The following SPAG16 variants were observed in gnomAD, a reference collection of about 807,000 sequenced individuals.
SPAG16 encodes sperm associated antigen 16.
SPAG16 carries 86 observed loss-of-function variants against 80.4 expected under a neutral mutation model. That is an observed-to-expected ratio of 1.07 (90% confidence interval 0.90 to 1.28). The LOEUF (loss-of-function observed/expected upper bound fraction) is 1.28. Among genes scored for constraint, SPAG16 ranks in the 50% most tolerant of loss-of-function variants. The pLI, the probability that SPAG16 is intolerant of heterozygous loss-of-function variation, is 0.00. For synonymous variants in SPAG16, 294 were observed against 265.9 expected, an observed-to-expected ratio of 1.11 and a Z score of -1.03; for missense variants, 870 against 765.3, an observed-to-expected ratio of 1.14 and a Z score of -1.61.
At chr2:213,905,185 A>T (rs2077384670) in intron 11 of SPAG16, among the ~76,000 whole-genome samples, 1 of 152,194 alleles carries the variant, frequency 6.6e-6, no homozygotes, top group African/African-American at 2.4e-5. Flanking sequence ...TGATTTTTAC[A>T]GTTTATTTTA....
At chr2:214,365,485 A>G (rs1699421171) in intron 15 of SPAG16, among the ~76,000 whole-genome samples, 1 of 152,190 alleles carries the variant, frequency 6.6e-6, no homozygotes. Flanking sequence ...CAAAATTACA[A>G]GACATCAGAA....
intron 9 of SPAG16, among the ~76,000 whole-genome samples, chr2:213,449,634 G>T (rs892883534): frequency 6.6e-6 from 1 of 152,130 alleles, no homozygotes; most frequent in Non-Finnish European, 1.5e-5. Context: ...AATATCAGGG[G>T]TGAGTTCCCC....
chr2:213,432,682 ACTGAAACCCATCCTC>A (rs1258827481), intron 9 of SPAG16, among the ~76,000 whole-genome samples: 2 of 152,150 alleles, frequency 1.3e-5, no homozygotes, highest in African/African-American at 4.8e-5. Flanking sequence ...ACAAAGAAAA[ACTGAAACCCATCCTC>A]CAGAAACTCT....
chr2:213,337,787 T>C (rs1393339565), intron 5 of SPAG16, among the ~76,000 whole-genome samples: 2 of 151,870 alleles, frequency 1.3e-5, no homozygotes, highest in African/African-American at 2.4e-5. Flanking sequence ...TGGAACCAAG[T>C]TGGAAAACAC....
At chr2:214,369,646 GCATGC>G (rs1699691286) in intron 15 of SPAG16, among the ~76,000 whole-genome samples, 1 of 151,898 alleles carries the variant, frequency 6.6e-6, no homozygotes, top group South Asian at 2.1e-4. Context: ...TCAACATGTG[GCATGC>G]CCTCTTTCTT....
chr2:213,480,082 CAGAA>C (rs1332445481), intron 9 of SPAG16, among the ~76,000 whole-genome samples: 1 of 152,130 alleles, frequency 6.6e-6, no homozygotes, highest in Non-Finnish European at 1.5e-5. Context: ...CATGCATTAT[CAGAA>C]AGAAGATAAA....
At chr2:214,052,304 G>C (rs564101183) in intron 13 of SPAG16, among the ~76,000 whole-genome samples, 2 of 152,168 alleles carry the variant, frequency 1.3e-5, no homozygotes, top group African/African-American at 4.8e-5. Flanking sequence ...GCTATCAGGC[G>C]ACCTTCTTTG....
rs1206091879 is a variant in SPAG16 at position 213,571,909 on chromosome 2, C to G, written c.1070+81819C>G. On this transcript the variant is annotated intron_variant, in intron 10 of 15. Coordinates refer to ENST00000331683, the MANE Select transcript of SPAG16 (RefSeq NM_024532.5). ...ATAGATTTGGTCTTTTCACATAGTCCCATAGTTCTTGGAGGCTTTGCTCAT... is the reference window on the plus strand; with the variant it reads ...ATAGATTTGGTCTTTTCACATAGTCGCATAGTTCTTGGAGGCTTTGCTCAT... 1.4e-5 allele frequency among the ~76,000 whole-genome samples: 2 copies of G among 138,912 alleles called. 1 individual carries two copies. The highest frequency in any genetic ancestry group is 6.3e-5 in the African/African-American group (2 of 31,602). The allele number at this position is 138,912 out of a possible 152,430, so 91.1% of individuals were successfully genotyped here.
intron 9 of SPAG16, among the ~76,000 whole-genome samples, chr2:213,448,162 G>A (rs571523236): frequency 6.6e-6 from 1 of 152,294 alleles, no homozygotes; most frequent in East Asian, 1.9e-4. Flanking sequence ...CTGTTATTTG[G>A]CTTGGAGATC....
chr2:213,955,745 T>C (rs1014776591), intron 12 of SPAG16, among the ~76,000 whole-genome samples: 7 of 152,132 alleles, frequency 4.6e-5, no homozygotes, highest in African/African-American at 1.7e-4. Context: ...TAGGAATTTG[T>C]TCATTTCATC....
At chr2:214,222,139 A>T (rs1159573391) in intron 15 of SPAG16, among the ~76,000 whole-genome samples, 6 of 139,692 alleles carry the variant, frequency 4.3e-5, no homozygotes, top group African/African-American at 1.6e-4. Flanking sequence ...TTTTTGAAAC[A>T]GAGTTTCGCT....
At chr2:213,576,162 C>T (rs1379468014) in intron 10 of SPAG16, among the ~76,000 whole-genome samples, 1 of 152,136 alleles carries the variant, frequency 6.6e-6, no homozygotes, top group Non-Finnish European at 1.5e-5. Context: ...TATTCCAGCA[C>T]CATTTATTGA....
chr2:213,298,236 C>A (rs1368856536), intron 3 of SPAG16, among the ~76,000 whole-genome samples: 7 of 152,162 alleles, frequency 4.6e-5, no homozygotes, highest in African/African-American at 1.7e-4. Flanking sequence ...TGGAGGGCTG[C>A]AGCTCATAGT....
chr2:214,108,099 G>A (rs2053471841), intron 13 of SPAG16, 97 bp from the exon 14 acceptor site: 1 of 842,378 alleles, frequency 1.2e-6, no homozygotes, highest in Non-Finnish European at 1.9e-6. Context: ...CTGGGAGGAG[G>A]GGCTAAAAAT....
chr2:213,687,158 A>G (rs2064719951), intron 10 of SPAG16, among the ~76,000 whole-genome samples: 1 of 151,914 alleles, frequency 6.6e-6, no homozygotes, highest in African/African-American at 2.4e-5. Flanking sequence ...TAAGTTATGT[A>G]CCTCTTCACA....
chr2:214,039,624 A>C (rs112571334), intron 13 of SPAG16, among the ~76,000 whole-genome samples: 15 of 152,156 alleles, frequency 9.9e-5, no homozygotes, highest in Non-Finnish European at 1.3e-4. Context: ...TCTTTGTTGG[A>C]TTCTGTGGCA....
intron 6 of SPAG16, among the ~76,000 whole-genome samples, chr2:213,347,171 A>G (rs958559011): frequency 5.0e-4 from 76 of 152,086 alleles, no homozygotes; most frequent in Non-Finnish European, 9.6e-4. Context: ...GTTTATTTGC[A>G]TAGAGGTGTT....
intron 9 of SPAG16, among the ~76,000 whole-genome samples, chr2:213,457,586 T>C (rs2072099681): frequency 6.6e-6 from 1 of 152,162 alleles, no homozygotes; most frequent in African/African-American, 2.4e-5. Context: ...TCCCTTTTCT[T>C]TTTTTTAAAA....
chr2:214,219,206 A>G (rs1476766261), intron 15 of SPAG16, among the ~76,000 whole-genome samples: 2 of 152,206 alleles, frequency 1.3e-5, no homozygotes, highest in African/African-American at 4.8e-5. Context: ...ATCTGAATTT[A>G]CATTTAATAT....
Sources: allele counts gnomAD v4.1 joint callset (sites outside exome capture counted in the v4.1 genomes callset), GRCh38; gene constraint gnomAD v4.1.1; transcripts MANE v1.5; gene names NCBI Gene and HGNC (gene_info 2026-07-23, HGNC 2026-07-21).